The following TTLL7 variants were observed in gnomAD, a reference collection of about 807,000 sequenced individuals.
TTLL7 encodes the protein tubulin tyrosine ligase like 7.
Under a neutral mutation model 120.2 loss-of-function variants are expected in TTLL7, and 53 were observed. The observed-to-expected ratio is 0.44, with a 90% confidence interval of 0.35 to 0.55. The LOEUF is 0.55. TTLL7 is among the 20% of genes least tolerant of loss of function. TTLL7 has a pLI of 0.00. For synonymous variants in TTLL7, 353 were observed against 351.7 expected (o/e 1.00, Z -0.04); for missense variants, 803 against 1,054.7 (o/e 0.76, Z 3.31).
Position 83,949,918 on chromosome 1 carries a change from A to G in TTLL7, c.226T>C (p.Trp76Arg). Residue 76 changes from tryptophan to arginine, a missense_variant, in exon 4 of 21, where the codon TGG (tryptophan) becomes CGG (arginine). Around this residue, in one of 3 missense-constraint regions of TTLL7, gnomAD observed 91 missense variants for 96.6 expected, o/e 0.94. Transcript: ENST00000260505. Reference sequence around the variant, plus strand: ...TCCTGCTGAACAGCAGAATCACACCATATAAGATTACTTGTTTCATCCTCA... The same window carrying G: ...TCCTGCTGAACAGCAGAATCACACCGTATAAGATTACTTGTTTCATCCTCA... ...PDEDETSNLI[W>R]CDSAVQQEKI... The G allele has an allele frequency of 6.2e-7, 1 of 1,613,734 alleles. No individual in the cohort carries two copies. The highest frequency in any genetic ancestry group is 2.2e-5 in the East Asian group (1 of 44,844).
At chr1:83,917,448 G>A (rs1372067854) in intron 14 of TTLL7, among the ~76,000 whole-genome samples, 156 bp downstream of exon 14, 3 of 152,136 alleles carry the variant, frequency 2.0e-5, no homozygotes, top group African/African-American at 4.8e-5. Flanking sequence ...AAACTCCTGA[G>A]TGTAAGGTAT....
intron 18 of TTLL7, among the ~76,000 whole-genome samples, chr1:83,901,462 A>T (rs770986756): frequency 4.6e-5 from 7 of 151,948 alleles, no homozygotes; most frequent in Admixed American, 1.3e-4. Context: ...CTGTATTATT[A>T]ATATCGTACT....
intron 15 of TTLL7, among the ~76,000 whole-genome samples, chr1:83,910,178 A>T (rs1657556945): frequency 6.6e-6 from 1 of 152,154 alleles, no homozygotes; most frequent in Non-Finnish European, 1.5e-5. Context: ...TTGGTTCTTT[A>T]TTCCTCATGC....
rs998064636 is a variant in TTLL7, at chr1:83,909,114, T to C, written c.1787-1453A>G. Among the ~76,000 whole-genome samples, 7 of 151,726 alleles carry C rather than the reference T, an allele frequency of 4.6e-5. No individual in the cohort carries two copies. The South Asian group carries it at 8.3e-4, about 18-fold the overall frequency. On this transcript the variant is annotated intron_variant, in intron 15 of 20. Transcript: ENST00000260505. ...TTAATGTGCGCCGAGAGCAAACTTATACTAAGAAAATACCCAAGGCATGTG... is the reference window on the plus strand; with the variant it reads ...TTAATGTGCGCCGAGAGCAAACTTACACTAAGAAAATACCCAAGGCATGTG...
At chr1:83,888,267 A>T (rs7548655) in intron 19 of TTLL7, among the ~76,000 whole-genome samples, 1 of 152,040 alleles carries the variant, frequency 6.6e-6, no homozygotes, top group African/African-American at 2.4e-5. Flanking sequence ...TTTCCATTAT[A>T]AATTCAGATT....
Position 83,919,348 on chromosome 1 carries a change from T to C in TTLL7, c.1500+351A>G, listed in dbSNP as rs947057565. Among the ~76,000 whole-genome samples, 7 of 152,154 alleles carry C rather than the reference T, an allele frequency of 4.6e-5. 1 individual carries two copies. The highest frequency in any genetic ancestry group is 4.6e-4 in the Admixed American group (7 of 15,244). On this transcript the variant is annotated intron_variant, in intron 13 of 20. Coordinates refer to ENST00000260505, the MANE Select transcript of TTLL7 (RefSeq NM_024686.6). ...TACATAGCATCAAGAAAAAGTATTA[T>C]GTAATGTTTGTTATAATCCAAAAAA...
Position 83,962,327 on chromosome 1 carries a change from C to T in TTLL7, c.-176-9940G>A, listed in dbSNP as rs184948410. 1.7e-3 allele frequency among the ~76,000 whole-genome samples: 255 copies of T among 152,226 alleles called. 6 individuals are homozygous for T. Among genetic ancestry groups the T allele is most frequent in the Non-Finnish European group, 4.6e-4 (31 of 68,014 alleles). ...TAAGAGATAGATACATCAGAATCAT[C>T]TTTAACTTTTCCTTTGACCTCTTAC... On this transcript the variant is annotated intron_variant, in intron 1 of 20. Transcript: ENST00000260505.
At chr1:83,996,058 T>A in intron 1 of TTLL7, among the ~76,000 whole-genome samples, 1 of 152,138 alleles carries the variant, frequency 6.6e-6, no homozygotes, top group East Asian at 1.9e-4. Context: ...AAACTACGCA[T>A]GAAAAAAGTG....
chr1:83,937,559 T>C (rs561047493), intron 8 of TTLL7, among the ~76,000 whole-genome samples: 9 of 152,288 alleles, frequency 5.9e-5, no homozygotes, highest in African/African-American at 2.2e-4. Context: ...CTATACCATA[T>C]ACAGGCTATA....
chr1:83,902,241 C>T (rs1220680666), intron 18 of TTLL7: 4 of 151,878 alleles, frequency 2.6e-5, no homozygotes, highest in Non-Finnish European at 5.9e-5. Context: ...ACATCTTCAT[C>T]TTAAAAAAAA....
chr1:83,921,283 C>T lies in TTLL7; in HGVS notation c.1254G>A (p.Gln418=), dbSNP rs772565578. 27 of 1,613,372 alleles carry T rather than the reference C, an allele frequency of 1.7e-5. No homozygotes were observed. The highest frequency in any genetic ancestry group is 2.3e-5 in the Non-Finnish European group (27 of 1,179,760). Residue 418 remains glutamine (Q), a synonymous_variant, in exon 11 of 21, where the codon CAG becomes CAA. Transcript: ENST00000260505. ...RLLPGSSDWE[Q]QRHQLERRKE... is the part of the protein sequence containing the mutation. ...TCCGCCTCTCCAACTGGTGTCTCTG[C>T]TGTTCCCAGTCTGAGGAGCCTGGTA...
intron 7 of TTLL7, 55 bp from the exon 8 acceptor site, chr1:83,938,071 A>C: frequency 6.4e-7 from 1 of 1,558,144 alleles, no homozygotes; most frequent in Non-Finnish European, 8.8e-7. Flanking sequence ...AGAACTGCGA[A>C]GTTTCAGAGG....
intron 8 of TTLL7, among the ~76,000 whole-genome samples, chr1:83,936,374 G>A (rs1647397699): frequency 6.6e-6 from 1 of 151,992 alleles, no homozygotes; most frequent in Admixed American, 6.6e-5. Flanking sequence ...AATGCCAGAG[G>A]GTATATAAAA....
chr1:83,892,386 A>G (rs1380275108), intron 18 of TTLL7, among the ~76,000 whole-genome samples: 4 of 31,482 alleles, frequency 1.3e-4, no homozygotes, highest in Admixed American at 3.8e-4. Context: ...ATATGAATAT[A>G]TATACGAATA....
At chr1:83,914,271 T>A (rs1163207947) in intron 14 of TTLL7, among the ~76,000 whole-genome samples, 1 of 151,176 alleles carries the variant, frequency 6.6e-6, no homozygotes, top group Non-Finnish European at 1.5e-5. Flanking sequence ...TAACTCCATA[T>A]CTTTGCCTTT....
At chr1:83,923,414 T>A in intron 10 of TTLL7, among the ~76,000 whole-genome samples, 1 of 147,030 alleles carries the variant, frequency 6.8e-6, no homozygotes. Context: ...TAAGAGGAGA[T>A]GAAAATAAAG....
chr1:83,932,753 A>G (rs1211641427), intron 9 of TTLL7, among the ~76,000 whole-genome samples: 1 of 152,156 alleles, frequency 6.6e-6, no homozygotes, highest in Non-Finnish European at 1.5e-5. Flanking sequence ...TTTAAAATGA[A>G]AGGTAGTGGT....
At chr1:83,903,140 T>C (rs1656870970) in intron 18 of TTLL7, among the ~76,000 whole-genome samples, 2 of 152,038 alleles carry the variant, frequency 1.3e-5, no homozygotes, top group African/African-American at 4.8e-5. Context: ...TATCTTTCCA[T>C]AGCCTACAAA....
chr1:83,965,435 G>T (rs1650367417), intron 1 of TTLL7, among the ~76,000 whole-genome samples: 1 of 152,004 alleles, frequency 6.6e-6, no homozygotes, highest in South Asian at 2.1e-4. Flanking sequence ...CACCATGATT[G>T]CAAGTTTCCC....
Sources: allele counts gnomAD v4.1 joint callset (sites outside exome capture counted in the v4.1 genomes callset), GRCh38; gene constraint gnomAD v4.1.1; regional missense constraint gnomAD v4.1.1; transcripts MANE v1.5; gene names NCBI Gene and HGNC (gene_info 2026-07-23, HGNC 2026-07-21).